The following CC2D2B variants were observed in gnomAD, a reference collection of about 807,000 sequenced individuals.
CC2D2B encodes protein CC2D2B.
CC2D2B carries 128 observed loss-of-function variants against 161.2 expected under a neutral mutation model. The observed-to-expected ratio is 0.79, with a 90% CI of 0.69 to 0.92. The LOEUF (loss-of-function observed/expected upper bound fraction) is 0.92. CC2D2B is among the 40% of genes least tolerant of loss of function. CC2D2B has a pLI of 0.00. For missense variants in CC2D2B, 1,173 were observed against 1,375.1 expected (o/e 0.85, Z 2.32); for synonymous variants, 391 against 449.8 (o/e 0.87, Z 1.65).
At chr10:95,996,859 G>GGA (rs1473639704) in intron 24 of CC2D2B, among the ~76,000 whole-genome samples, 2 of 152,192 alleles carry the variant, frequency 1.3e-5, no homozygotes, top group African/African-American at 4.8e-5. Flanking sequence ...AGGCCTAATG[G>GGA]GAGGTGTTTG....
intron 11 of CC2D2B, among the ~76,000 whole-genome samples, chr10:95,958,021 C>T (rs1329962706): frequency 6.6e-6 from 1 of 150,386 alleles, no homozygotes; most frequent in Admixed American, 6.6e-5. Context: ...GTATGGCCAA[C>T]TCAAAGGAAA....
At position 96,019,230 on chromosome 10, in the gene CC2D2B, G is replaced by A. The variant is rs770857637; in HGVS notation, c.3658G>A (p.Glu1220Lys). The change falls in exon 31 of 35, where the codon GAA (glutamate) becomes AAA (lysine). Residue 1220 changes from glutamate to lysine, a missense_variant. Coordinates refer to ENST00000646931, the MANE Select transcript of CC2D2B (RefSeq NM_001349008.3). ...EGHVAYVVTQETNEYLLWNPS... is the reference protein window; with the variant it reads ...EGHVAYVVTQKTNEYLLWNPS... ...GCATGTGGCTTATGTAGTAACTCAA[G>A]AAACTAATGAATATTTGCTTTGGAA... 1 of 1,610,738 alleles carries A rather than the reference G, an allele frequency of 6.2e-7. No individual in the cohort carries two copies. The highest frequency in any genetic ancestry group is 8.5e-7 in the Non-Finnish European group (1 of 1,178,788).
At chr10:96,014,852 C>A (rs1358390401) in intron 29 of CC2D2B, among the ~76,000 whole-genome samples, 1 of 152,144 alleles carries the variant, frequency 6.6e-6, no homozygotes, top group Non-Finnish European at 1.5e-5. Context: ...TTCAGAAGGG[C>A]CTCCTTAACT....
At chr10:96,008,745 G>C (rs746902520) in intron 25 of CC2D2B, among the ~76,000 whole-genome samples, 8 of 151,776 alleles carry the variant, frequency 5.3e-5, no homozygotes, top group Non-Finnish European at 1.0e-4. Context: ...TTTAAAATTG[G>C]GTTATTTTCT....
At chr10:96,012,796 C>A in intron 28 of CC2D2B, 67 bp downstream of exon 28, 1 of 1,035,788 alleles carries the variant, frequency 9.7e-7, no homozygotes, top group Non-Finnish European at 1.5e-6. Flanking sequence ...TCACTTTTAC[C>A]TTTTGTGTAT....
intron 10 of CC2D2B, among the ~76,000 whole-genome samples, chr10:95,950,849 T>C (rs1262196736): frequency 2.6e-5 from 4 of 152,136 alleles, no homozygotes; most frequent in African/African-American, 9.7e-5. Flanking sequence ...AGATGGAGTC[T>C]TGCTCTGTCG....
chr10:95,979,187 T>C (rs2077423021), intron 17 of CC2D2B, among the ~76,000 whole-genome samples: 1 of 151,428 alleles, frequency 6.6e-6, no homozygotes, highest in Non-Finnish European at 1.5e-5. Context: ...TTTTTTTTTT[T>C]CCTCTCTCTC....
At chr10:95,914,430 C>T (rs2098512142) in intron 2 of CC2D2B, among the ~76,000 whole-genome samples, 1 of 152,082 alleles carries the variant, frequency 6.6e-6, no homozygotes, top group Admixed American at 6.6e-5. Flanking sequence ...TTTAGTATAG[C>T]TTTGTAGTAC....
At position 96,032,842 on chromosome 10, in the gene CC2D2B, T is replaced by C. The variant is rs1315693522; in HGVS notation, c.*834T>C. 3 of 466,828 alleles carry C rather than the reference T, an allele frequency of 6.4e-6. No individual in the cohort carries two copies. The highest frequency in any genetic ancestry group is 8.9e-6 in the Non-Finnish European group (2 of 225,514). 28.9% of individuals were successfully genotyped at this position (466,828 alleles called of 1,614,324 possible). On this transcript the variant is annotated 3_prime_UTR_variant, in exon 35 of 35. Coordinates refer to ENST00000646931, the MANE Select transcript of CC2D2B (RefSeq NM_001349008.3). ...TCTTGACAAATCTCAGGACTCTTTT[T>C]TTCCTTAGTGAGCAGCCCCCAACTC...
intron 33 of CC2D2B, among the ~76,000 whole-genome samples, chr10:96,025,154 A>AAAT (rs1491259451): frequency 9.9e-5 from 2 of 20,102 alleles, no homozygotes; most frequent in Non-Finnish European, 1.6e-4. Flanking sequence ...ACTAAAAAAA[A>AAAT]ATATATATAT....
intron 6 of CC2D2B, among the ~76,000 whole-genome samples, chr10:95,937,379 G>A (rs1464499547): frequency 2.0e-5 from 3 of 152,094 alleles, no homozygotes. Flanking sequence ...TTAAATTTAT[G>A]AGTATGATAC....
chr10:96,025,774 G>C (rs559650148), intron 33 of CC2D2B, among the ~76,000 whole-genome samples: 1 of 152,252 alleles, frequency 6.6e-6, no homozygotes, highest in East Asian at 1.9e-4. Flanking sequence ...TGTGTCAGAG[G>C]CTTCTAGATC....
At position 95,938,692 on chromosome 10, in the gene CC2D2B, T is replaced by G. The variant is rs1376939047; in HGVS notation, c.659T>G (p.Leu220Arg). 1.4e-6 allele frequency: 1 copy of G among 712,930 alleles called. No homozygotes were observed. Among genetic ancestry groups the G allele is most frequent in the Non-Finnish European group, 2.6e-6 (1 of 383,710 alleles). The allele number at this position is 712,930 out of a possible 1,614,324, so 44.2% of individuals were successfully genotyped here. A position where few individuals can be genotyped will look rare whatever the true frequency, so the allele number is the denominator to read the frequency against. Residue 220 changes from leucine to arginine, a missense_variant, in exon 8 of 35, where the codon CTT becomes CGT. Coordinates refer to ENST00000646931, the MANE Select transcript of CC2D2B (RefSeq NM_001349008.3). The stretch of plus-strand genomic sequence containing the variant: ...TGCAACAAAATGGAAAATCGCCTGC[T>G]TAAACTAGAAGAGGCAAGTGCACCA... The part of the protein sequence containing the change: ...KTCNKMENRL[L>R]KLEEGKCWFG...
rs370657256 is a variant in CC2D2B, at chr10:96,019,349, G to A, written c.3765+12G>A. On this transcript the variant is annotated intron_variant, in intron 31 of 34. Coordinates refer to ENST00000646931, the MANE Select transcript of CC2D2B (RefSeq NM_001349008.3). The stretch of plus-strand genomic sequence containing the variant: ...TTGATGATAGAAATGTAAGTATATG[G>A]GGAAAAAAAATCTTGAGTTATCTCC... 1.2e-3 allele frequency: 1,925 copies of A among 1,597,760 alleles called. 2 individuals are homozygous for A. The highest frequency in any genetic ancestry group is 1.8e-3 in the Admixed American group (97 of 55,404).
chr10:95,972,241 TC>T, intron 16 of CC2D2B, 25 bp downstream of exon 16: 1 of 1,227,810 alleles, frequency 8.1e-7, no homozygotes, highest in Non-Finnish European at 1.0e-6. Flanking sequence ...AATATTACAT[TC>T]CCCCTATTTT....
Position 95,929,945 on chromosome 10 carries a change from G to A in CC2D2B, c.336+2613G>A, listed in dbSNP as rs922369345. On this transcript the variant is annotated intron_variant, in intron 6 of 34. Coordinates refer to ENST00000646931, the MANE Select transcript of CC2D2B (RefSeq NM_001349008.3). ...AATTCTGTGAAGAAAGTCAATGGTA[G>A]CTTGATGGGGATAGCATTGAATCTA... 2.7e-4 allele frequency among the ~76,000 whole-genome samples: 41 copies of A among 152,282 alleles called. 1 individual carries two copies. Among genetic ancestry groups the A allele is most frequent in the Admixed American group, 6.5e-4 (10 of 15,290 alleles).
intron 20 of CC2D2B, among the ~76,000 whole-genome samples, chr10:95,990,322 G>A (rs911054743): frequency 3.9e-5 from 6 of 152,034 alleles, no homozygotes; most frequent in African/African-American, 1.2e-4. Flanking sequence ...CAAAGAATCC[G>A]GTAAGAAGGT....
chr10:95,914,247 C>G (rs1055018092), intron 2 of CC2D2B, among the ~76,000 whole-genome samples: 7 of 151,872 alleles, frequency 4.6e-5, no homozygotes, highest in Non-Finnish European at 1.0e-4. Context: ...TTTTTGGCAC[C>G]TTGTTGAAAA....
intron 2 of CC2D2B, among the ~76,000 whole-genome samples, chr10:95,915,893 G>A (rs2098515436): frequency 1.3e-5 from 2 of 152,086 alleles, no homozygotes. Flanking sequence ...TCTGGTTTTA[G>A]TATCAGGGTA....
Sources: allele counts gnomAD v4.1 joint callset (sites outside exome capture counted in the v4.1 genomes callset), GRCh38; gene constraint gnomAD v4.1.1; transcripts MANE v1.5; gene names NCBI Gene and HGNC (gene_info 2026-07-23, HGNC 2026-07-21).